The following PLVAP variants were observed in gnomAD, a reference collection of about 807,000 sequenced individuals.
PLVAP encodes the protein plasmalemma vesicle-associated protein.
Under a neutral mutation model 43.1 loss-of-function variants are expected in PLVAP, and 34 were observed. The observed-to-expected ratio is 0.79, with a 90% confidence interval of 0.60 to 1.05. PLVAP has a LOEUF of 1.05. Ranked by LOEUF, PLVAP falls within the 50% of genes least tolerant of loss-of-function variation. PLVAP has a pLI of 0.00. For synonymous variants in PLVAP, 241 were observed against 237.3 expected (o/e 1.02, Z -0.14); for missense variants, 574 against 593.4 (o/e 0.97, Z 0.34).
chr19:17,373,733 C>T (rs570796249), intron 1 of PLVAP, among the ~76,000 whole-genome samples: 1 of 152,156 alleles, frequency 6.6e-6, no homozygotes, highest in Admixed American at 6.6e-5. Context: ...AGCCGGGGTG[C>T]GAGAGTGGCG....
intron 5 of PLVAP, among the ~76,000 whole-genome samples, chr19:17,357,732 A>T (rs2074512050): frequency 6.6e-6 from 1 of 152,220 alleles, no homozygotes; most frequent in Non-Finnish European, 1.5e-5. Flanking sequence ...AACCCAGAGC[A>T]GACAGCCCCA....
chr19:17,362,247 A>T (rs1055982421), intron 3 of PLVAP: 3 of 151,872 alleles, frequency 2.0e-5, no homozygotes, highest in Non-Finnish European at 4.4e-5. Context: ...TCCAATCCCA[A>T]CCCAAACTTC....
At chr19:17,355,981 C>T (rs2074505165) in intron 5 of PLVAP, among the ~76,000 whole-genome samples, 1 of 152,188 alleles carries the variant, frequency 6.6e-6, no homozygotes, top group Admixed American at 6.6e-5. Flanking sequence ...TAAAGGAAAG[C>T]TGGCGCACAC....
In PLVAP at chr19:17,365,576, C is replaced by A. The variant is rs200491210; in HGVS notation, c.889G>T (p.Val297Leu). The A allele has an allele frequency of 5.0e-6, 8 of 1,612,192 alleles. No individual in the cohort carries two copies. In the African/African-American group the frequency reaches 1.1e-4, roughly 22 times the overall value. Residue 297 changes from valine to leucine, a missense_variant, in exon 3 of 6, where the codon GTG becomes TTG. Val to Leu is a conservative substitution (Grantham distance 32). Coordinates refer to ENST00000252590, the MANE Select transcript of PLVAP (RefSeq NM_031310.3). ...ARSLRADIER[V>L]ARENSDLQRQ... is the part of the protein sequence containing the mutation. The stretch of plus-strand genomic sequence containing the variant: ...TGGAGGTCTGAGTTCTCGCGGGCCA[C>A]GCGTTCGATATCCGCCCGGAGGCTC...
intron 5 of PLVAP, among the ~76,000 whole-genome samples, chr19:17,354,583 C>A (rs2145716943): frequency 8.8e-6 from 1 of 113,090 alleles, no homozygotes; most frequent in East Asian, 2.4e-4. Flanking sequence ...GAAAACAGAG[C>A]GAGACTCTGT....
chr19:17,353,181 C>T (rs974273950), intron 5 of PLVAP, among the ~76,000 whole-genome samples: 2 of 152,184 alleles, frequency 1.3e-5, no homozygotes, highest in Admixed American at 6.5e-5. Context: ...TTCCCTGGGG[C>T]CCGAGTGGCC....
intron 5 of PLVAP, among the ~76,000 whole-genome samples, chr19:17,357,948 G>C (rs895253089): frequency 6.6e-6 from 1 of 152,208 alleles, no homozygotes; most frequent in African/African-American, 2.4e-5. Context: ...ACAGTCCTGG[G>C]CTGGGAGCCC....
chr19:17,365,907 C>T lies in PLVAP; in HGVS notation c.558G>A (p.Val186=). ...KTICTKDKES[V]LLNKRVAEEQ... ...CCTCCGCCACGCGTTTGTTCAGCAG[C>T]ACGCTTTCCTTATCCTTAGTGCAAA... Residue 186 remains valine (V), a synonymous_variant, in exon 3 of 6, where the codon GTG becomes GTA. Transcript: ENST00000252590. 2 of 1,614,096 alleles carry T rather than the reference C, an allele frequency of 1.2e-6. No individual in the cohort carries two copies. Among genetic ancestry groups the T allele is most frequent in the Non-Finnish European group, 1.7e-6 (2 of 1,180,032 alleles).
intron 1 of PLVAP, among the ~76,000 whole-genome samples, chr19:17,372,365 C>G (rs552134546): frequency 6.7e-6 from 1 of 150,250 alleles, no homozygotes; most frequent in African/African-American, 2.4e-5. Flanking sequence ...GCTGAGATTG[C>G]GCCACTGCAA....
intron 5 of PLVAP, among the ~76,000 whole-genome samples, chr19:17,353,465 C>T (rs575435060): frequency 2.4e-4 from 36 of 152,176 alleles, no homozygotes; most frequent in Non-Finnish European, 4.6e-4. Flanking sequence ...GCTTGATCAG[C>T]TCCCATCACT....
Position 17,377,275 on chromosome 19 carries a change from A to G in PLVAP, c.14T>C (p.Met5Thr). 6.2e-7 allele frequency: 1 copy of G among 1,611,726 alleles called. No individual in the cohort carries two copies. Among genetic ancestry groups the G allele is most frequent in the Non-Finnish European group, 8.5e-7 (1 of 1,178,796 alleles). The stretch of plus-strand genomic sequence containing the variant: ...CCGAGCGTAGGACCCTCCGTGCTCC[A>G]TGGCCAGACCCATTTGCTCGATCCC... MGLA[M>T]EHGGSYARAG... Residue 5 changes from methionine (M) to threonine (T), a missense_variant, in exon 1 of 6, where the codon ATG (methionine) becomes ACG (threonine). Met to Thr is a moderately conservative substitution (Grantham distance 81, BLOSUM62 -1). Transcript: ENST00000252590.
At chr19:17,372,885 AC>A (rs1252336364) in intron 1 of PLVAP, among the ~76,000 whole-genome samples, 1 of 138,226 alleles carries the variant, frequency 7.2e-6, no homozygotes, top group Non-Finnish European at 1.6e-5. Flanking sequence ...ACATAGTGAA[AC>A]CCCGTCTCTA....
Position 17,365,722 on chromosome 19 carries a change from C to T in PLVAP, c.743G>A (p.Arg248His), listed in dbSNP as rs756937606. 93 of 1,613,992 alleles carry T rather than the reference C, an allele frequency of 5.8e-5. No homozygotes were observed. The highest frequency in any genetic ancestry group is 7.6e-5 in the Non-Finnish European group (90 of 1,180,028). The change falls in exon 3 of 6, where the codon CGC becomes CAC. Residue 248 changes from arginine to histidine, a missense_variant. Physicochemically the swap from Arg to His is conservative, Grantham distance 29. Coordinates refer to ENST00000252590, the MANE Select transcript of PLVAP (RefSeq NM_031310.3). ...GTTGTAACCCAGGTTGTCCAGGCTG[C>T]GTGGGATAATGGAGTCCCTCCACAG... ...RNLWRDSIIP[R>H]SLDNLGYNLY...
chr19:17,359,063 G>A (rs954038480), intron 5 of PLVAP, among the ~76,000 whole-genome samples: 1 of 151,908 alleles, frequency 6.6e-6, no homozygotes, highest in African/African-American at 2.4e-5. Flanking sequence ...GCCTCCCAAA[G>A]TGCTGGGATT....
chr19:17,365,802 C>T lies in PLVAP; in HGVS notation c.663G>A (p.Val221=). The T allele has an allele frequency of 2.5e-6, 4 of 1,614,176 alleles. No individual in the cohort carries two copies. Among genetic ancestry groups the T allele is most frequent in the Middle Eastern group, 1.6e-4 (1 of 6,062 alleles). Residue 221 remains valine (V), a synonymous_variant, in exon 3 of 6, where the codon GTG becomes GTA. Coordinates refer to ENST00000252590, the MANE Select transcript of PLVAP (RefSeq NM_031310.3). Reference sequence around the variant, plus strand: ...TGTCCAGGGGCAGGCAGAGGGCTTGCACCTTTTGCAGTTGCTCCTTGGCCA... The same window carrying T: ...TGTCCAGGGGCAGGCAGAGGGCTTGTACCTTTTGCAGTTGCTCCTTGGCCA... ...RQLAKEQLQK[V]QALCLPLDKD...
intron 3 of PLVAP, among the ~76,000 whole-genome samples, chr19:17,363,444 G>T (rs1030755194): frequency 9.9e-5 from 15 of 152,186 alleles, no homozygotes; most frequent in African/African-American, 3.6e-4. Context: ...TGGGATTACA[G>T]GTGTGGGCCA....
chr19:17,376,799 TAAGAA>T, intron 1 of PLVAP, 116 bp downstream of exon 1: 1 of 1,037,940 alleles, frequency 9.6e-7, no homozygotes, highest in African/African-American at 1.6e-5. Flanking sequence ...CTCTGTCTCA[TAAGAA>T]AAGAGAGCAT....
intron 5 of PLVAP, among the ~76,000 whole-genome samples, chr19:17,358,267 G>GA (rs71336606): frequency 0.17 from 22,131 of 128,004 alleles, 2,102 homozygotes; most frequent in African/African-American, 0.25. Context: ...ATGCAAGAAG[G>GA]AAAAAAAAAA....
intron 1 of PLVAP, among the ~76,000 whole-genome samples, chr19:17,372,291 C>T (rs2074575279): frequency 6.7e-6 from 1 of 150,050 alleles, no homozygotes; most frequent in Non-Finnish European, 1.5e-5. Flanking sequence ...TGCCTGTAAT[C>T]CCAGCTACTC....
Sources: gnomAD v4.1 joint callset for allele counts (sites outside exome capture counted in the v4.1 genomes callset) on GRCh38, gnomAD v4.1.1 for gene constraint, MANE v1.5 for transcripts, NCBI Gene and HGNC (gene_info 2026-07-23, HGNC 2026-07-21) for gene names.